Variants in THSD7B observed in about 807,000 individuals in gnomAD.
The protein encoded by THSD7B is thrombospondin type-1 domain-containing protein 7B.
In THSD7B, 138 loss-of-function variants were observed where a neutral mutation model predicts 213.6. The observed-to-expected ratio is 0.65, with a 90% confidence interval of 0.56 to 0.74. The LOEUF is 0.74. Ranked by LOEUF, THSD7B falls within the 30% of genes least tolerant of loss-of-function variation. The pLI is 0.00. For synonymous variants in THSD7B, 742 were observed against 687.0 expected (o/e 1.08, Z -1.25); for missense variants, 1,931 against 1,991.5 (o/e 0.97, Z 0.58).
At chr2:136,988,280 A>G (rs1360638523) in intron 2 of THSD7B, among the ~76,000 whole-genome samples, 1 of 152,224 alleles carries the variant, frequency 6.6e-6, no homozygotes, top group Non-Finnish European at 1.5e-5. Flanking sequence ...CTCTGGCCTC[A>G]GAAGTGGAGC....
intron 3 of THSD7B, among the ~76,000 whole-genome samples, chr2:137,062,860 C>G (rs1466722025): frequency 1.3e-5 from 2 of 151,816 alleles, no homozygotes; most frequent in East Asian, 3.9e-4. Context: ...TATGTTCTTA[C>G]TGATGTTATT....
chr2:137,462,858 T>G (rs1472086715), intron 15 of THSD7B, among the ~76,000 whole-genome samples: 1 of 150,358 alleles, frequency 6.7e-6, no homozygotes, highest in African/African-American at 2.5e-5. Flanking sequence ...TTCCTTTAAG[T>G]GAATAGGTAC....
chr2:136,779,792 C>A (rs1480711098), intron 1 of THSD7B, among the ~76,000 whole-genome samples: 1 of 152,100 alleles, frequency 6.6e-6, no homozygotes. Context: ...GTGCACAGAC[C>A]CATTTGGTCT....
chr2:137,107,505 T>C (rs193216208), intron 4 of THSD7B, among the ~76,000 whole-genome samples: 1 of 152,348 alleles, frequency 6.6e-6, no homozygotes, highest in East Asian at 1.9e-4. Context: ...CTGCACGTTC[T>C]GCACATGTAT....
intron 3 of THSD7B, among the ~76,000 whole-genome samples, chr2:137,077,685 T>A (rs1330697804): frequency 2.0e-5 from 3 of 151,754 alleles, no homozygotes; most frequent in Admixed American, 6.6e-5. Context: ...TGTTTTTTTC[T>A]TGTAAATTTG....
chr2:137,393,909 C>G (rs924231606), intron 12 of THSD7B, among the ~76,000 whole-genome samples: 3 of 140,166 alleles, frequency 2.1e-5, no homozygotes, highest in Non-Finnish European at 4.8e-5. Flanking sequence ...CTCTGATGGC[C>G]AGTGATGATG....
chr2:137,242,254 A>G (rs960359992), intron 9 of THSD7B, among the ~76,000 whole-genome samples: 1 of 152,104 alleles, frequency 6.6e-6, no homozygotes, highest in Non-Finnish European at 1.5e-5. Flanking sequence ...TGGTCTTTGG[A>G]TCAAGAGAGC....
At chr2:136,883,453 A>AT (rs1007352456) in intron 2 of THSD7B, among the ~76,000 whole-genome samples, 125 of 150,738 alleles carry the variant, frequency 8.3e-4, no homozygotes, top group Non-Finnish European at 1.3e-3. Flanking sequence ...ACTGATTTGC[A>AT]TTTTTTTTTC....
At chr2:136,944,578 CAT>C (rs1412213285) in intron 2 of THSD7B, among the ~76,000 whole-genome samples, 5 of 151,958 alleles carry the variant, frequency 3.3e-5, no homozygotes, top group African/African-American at 1.2e-4. Flanking sequence ...GTATTGGGTG[CAT>C]ATATATATTT....
intron 15 of THSD7B, among the ~76,000 whole-genome samples, chr2:137,531,217 A>G (rs960975526): frequency 1.3e-5 from 2 of 152,112 alleles, no homozygotes; most frequent in African/African-American, 2.4e-5. Flanking sequence ...CACTCAATTA[A>G]TAATAGTTGC....
At chr2:137,262,762 G>C (rs530311920) in intron 10 of THSD7B, among the ~76,000 whole-genome samples, 1 of 152,048 alleles carries the variant, frequency 6.6e-6, no homozygotes, top group Non-Finnish European at 1.5e-5. Flanking sequence ...GTGCTAAATC[G>C]GTGGTTCTCC....
intron 2 of THSD7B, among the ~76,000 whole-genome samples, chr2:137,001,851 T>A (rs1186246784): frequency 6.6e-6 from 1 of 152,210 alleles, no homozygotes; most frequent in African/African-American, 2.4e-5. Context: ...TTCTGACTTT[T>A]AATTGCATTT....
chr2:137,582,684 T>C (rs927904225), intron 17 of THSD7B, among the ~76,000 whole-genome samples: 5 of 152,100 alleles, frequency 3.3e-5, no homozygotes, highest in Admixed American at 2.0e-4. Flanking sequence ...CTTTTTTATG[T>C]CTGCATAGCA....
chr2:136,806,423 C>T (rs963818918), intron 1 of THSD7B, among the ~76,000 whole-genome samples: 1 of 152,098 alleles, frequency 6.6e-6, no homozygotes, highest in Non-Finnish European at 1.5e-5. Flanking sequence ...TATGATAATC[C>T]ATGAAATCTA....
chr2:137,295,133 A>G (rs1427349675), intron 12 of THSD7B, among the ~76,000 whole-genome samples: 1 of 152,088 alleles, frequency 6.6e-6, no homozygotes, highest in African/African-American at 2.4e-5. Context: ...CAATTGGCTC[A>G]ATTTTCTTCA....
intron 2 of THSD7B, among the ~76,000 whole-genome samples, chr2:137,031,016 C>T (rs749708504): frequency 1.3e-5 from 2 of 152,112 alleles, no homozygotes; most frequent in African/African-American, 2.4e-5. Flanking sequence ...CATATTTATA[C>T]ACCCACCACC....
chr2:136,769,546 G>A (rs534935627), intron 1 of THSD7B, among the ~76,000 whole-genome samples: 2 of 151,938 alleles, frequency 1.3e-5, no homozygotes, highest in African/African-American at 4.9e-5. Flanking sequence ...TCTAAGCGTG[G>A]TTTGTAAGCT....
At chr2:137,252,685 G>A (rs1682213624) in intron 10 of THSD7B, among the ~76,000 whole-genome samples, 1 of 152,178 alleles carries the variant, frequency 6.6e-6, no homozygotes, top group South Asian at 2.1e-4. Flanking sequence ...CATGTGGAAG[G>A]GGAGGGGACA....
chr2:136,961,322 G>A (rs13432161), intron 2 of THSD7B, among the ~76,000 whole-genome samples: 11,073 of 148,128 alleles, frequency 0.075, 681 homozygotes, highest in African/African-American at 0.16. Flanking sequence ...CCAGGTTCAC[G>A]CCATTCTCTT....
Sources: gnomAD v4.1 joint callset for allele counts (sites outside exome capture counted in the v4.1 genomes callset) on GRCh38, gnomAD v4.1.1 for gene constraint, MANE v1.5 for transcripts, NCBI Gene and HGNC (gene_info 2026-07-23, HGNC 2026-07-21) for gene names.